GRIA4: variants seen among roughly 807,000 people sequenced by gnomAD.
GRIA4 encodes the protein glutamate receptor 4.
A neutral mutation model predicts 104.0 loss-of-function variants in GRIA4; 34 were observed. The observed-to-expected ratio is 0.33, with a 90% CI of 0.25 to 0.44. GRIA4 has a LOEUF of 0.44. Ranked by LOEUF, GRIA4 falls within the 20% of genes least tolerant of loss-of-function variation. The pLI is 1.00. For missense variants in GRIA4, 750 were observed against 1,096.5 expected, an observed-to-expected ratio of 0.68 and a Z score of 4.46; for synonymous variants, 386 against 381.9, an observed-to-expected ratio of 1.01 and a Z score of -0.13.
chr11:105,770,391 A>G (rs1233525923), intron 4 of GRIA4, among the ~76,000 whole-genome samples: 1 of 152,038 alleles, frequency 6.6e-6, no homozygotes, highest in East Asian at 1.9e-4. Context: ...GCCAAACTAT[A>G]TATTTTCTTT....
At chr11:105,676,613 CA>C (rs1449596332) in intron 3 of GRIA4, among the ~76,000 whole-genome samples, 4 of 151,714 alleles carry the variant, frequency 2.6e-5, no homozygotes, top group Non-Finnish European at 4.4e-5. Context: ...AAATTGATAA[CA>C]GTAACTTGTA....
intron 3 of GRIA4, among the ~76,000 whole-genome samples, chr11:105,637,119 T>C (rs1951225238): frequency 6.6e-6 from 1 of 152,170 alleles, no homozygotes; most frequent in South Asian, 2.1e-4. Context: ...TGCTCTCCAT[T>C]ATTGTGGAAA....
chr11:105,960,764 C>T (rs1948723465), intron 14 of GRIA4, among the ~76,000 whole-genome samples: 2 of 152,298 alleles, frequency 1.3e-5, no homozygotes, highest in Admixed American at 6.5e-5. Flanking sequence ...CGTGGGTTCG[C>T]GAGTGGGACC....
chr11:105,685,899 A>C (rs1212277004), intron 3 of GRIA4, among the ~76,000 whole-genome samples: 1 of 152,150 alleles, frequency 6.6e-6, no homozygotes, highest in African/African-American at 2.4e-5. Context: ...ACAATAAGAA[A>C]ACAATAAACA....
intron 4 of GRIA4, among the ~76,000 whole-genome samples, chr11:105,795,617 C>T (rs1357107856): frequency 1.3e-5 from 2 of 151,926 alleles, no homozygotes; most frequent in Non-Finnish European, 2.9e-5. Flanking sequence ...TGTTAACAAA[C>T]TGAGAGTAAA....
chr11:105,824,154 T>C (rs766653507), intron 4 of GRIA4, among the ~76,000 whole-genome samples: 4 of 152,098 alleles, frequency 2.6e-5, no homozygotes, highest in Non-Finnish European at 5.9e-5. Context: ...CTGTGGTGTT[T>C]TGTTATGGCA....
At position 105,888,441 on chromosome 11, in the gene GRIA4, G is replaced by A. The variant is rs1427671343; in HGVS notation, c.726+869G>A. 3.3e-5 allele frequency among the ~76,000 whole-genome samples: 5 copies of A among 150,160 alleles called. No individual in the cohort carries two copies. In the South Asian group the frequency reaches 6.3e-4, roughly 19 times the overall value. On this transcript the variant is annotated intron_variant, in intron 6 of 16. Transcript: ENST00000282499. ...TGGGACTACAGGTGCCCGCCACTAC[G>A]CCCGGCTAATTTTTTTTTGTATTTT...
intron 3 of GRIA4, among the ~76,000 whole-genome samples, chr11:105,659,573 A>T (rs1951946054): frequency 6.6e-6 from 1 of 151,858 alleles, no homozygotes; most frequent in Non-Finnish European, 1.5e-5. Context: ...TAACCCTAGA[A>T]CAACATACCT....
At chr11:105,753,520 T>C (rs1473172955) in intron 4 of GRIA4, among the ~76,000 whole-genome samples, 3 of 152,124 alleles carry the variant, frequency 2.0e-5, no homozygotes, top group Admixed American at 1.3e-4. Flanking sequence ...CAACAAAAAA[T>C]AGTTCTGTGA....
chr11:105,699,187 T>C (rs1272870445), intron 3 of GRIA4, among the ~76,000 whole-genome samples: 2 of 152,186 alleles, frequency 1.3e-5, no homozygotes, highest in Non-Finnish European at 2.9e-5. Flanking sequence ...AAAATATTTA[T>C]TGAGGATCAA....
At chr11:105,904,647 C>T (rs1156776191) in intron 8 of GRIA4, among the ~76,000 whole-genome samples, 4 of 152,002 alleles carry the variant, frequency 2.6e-5, no homozygotes, top group Middle Eastern at 3.2e-3. Context: ...GTAATATATA[C>T]ATATTTAATG....
At chr11:105,630,704 AT>A (rs930677397) in intron 3 of GRIA4, among the ~76,000 whole-genome samples, 157 of 152,274 alleles carry the variant, frequency 1.0e-3, no homozygotes, top group African/African-American at 3.2e-3. Flanking sequence ...ATGATTAATA[AT>A]TTTTTTTAAA....
intron 6 of GRIA4, among the ~76,000 whole-genome samples, chr11:105,891,387 C>T (rs1284559070): frequency 6.6e-6 from 1 of 152,128 alleles, no homozygotes; most frequent in Admixed American, 6.6e-5. Context: ...TCAGAGTAAG[C>T]ATTGAAAACC....
At chr11:105,618,944 A>G (rs1293512198) in intron 3 of GRIA4, among the ~76,000 whole-genome samples, 1 of 151,994 alleles carries the variant, frequency 6.6e-6, no homozygotes, top group African/African-American at 2.4e-5. Flanking sequence ...AAAGATAGGG[A>G]ACCTGTCAAG....
intron 4 of GRIA4, among the ~76,000 whole-genome samples, chr11:105,808,721 CA>C (rs1313261634): frequency 3.3e-5 from 5 of 152,014 alleles, no homozygotes; most frequent in Admixed American, 3.3e-4. Context: ...ACCTGTCTCA[CA>C]AGTAGTAAAG....
At chr11:105,938,539 A>G (rs1948107899) in intron 14 of GRIA4, among the ~76,000 whole-genome samples, 1 of 152,148 alleles carries the variant, frequency 6.6e-6, no homozygotes, top group South Asian at 2.1e-4. Context: ...TTATGAAAAG[A>G]GATATATCTT....
intron 3 of GRIA4, among the ~76,000 whole-genome samples, chr11:105,668,319 A>G (rs936734750): frequency 6.8e-6 from 1 of 147,946 alleles, no homozygotes; most frequent in African/African-American, 2.5e-5. Flanking sequence ...ACATAATAGA[A>G]TATTATTCAC....
chr11:105,979,506 C>T (rs1382007980), intron 16 of GRIA4, 69 bp from the exon 17 acceptor site: 36 of 1,331,278 alleles, frequency 2.7e-5, no homozygotes, highest in East Asian at 2.5e-4. Flanking sequence ...TGTTGTGGAA[C>T]ATATTGTTGA....
intron 3 of GRIA4, among the ~76,000 whole-genome samples, chr11:105,654,056 C>T (rs1372256285): frequency 7.4e-6 from 1 of 134,264 alleles, no homozygotes; most frequent in African/African-American, 2.8e-5. Flanking sequence ...GAAGGAAATG[C>T]TGTCATTTGT....
Sources: gnomAD v4.1 joint callset for allele counts (sites outside exome capture counted in the v4.1 genomes callset) on GRCh38, gnomAD v4.1.1 for gene constraint, MANE v1.5 for transcripts, NCBI Gene and HGNC (gene_info 2026-07-23, HGNC 2026-07-21) for gene names.